The following RIC1 variants were observed in gnomAD, a reference collection of about 807,000 sequenced individuals.
RIC1 encodes guanine nucleotide exchange factor subunit RIC1.
Under a neutral mutation model 169.0 loss-of-function variants are expected in RIC1, and 88 were observed. The ratio of observed to expected loss-of-function variants is 0.52; its 90% confidence interval spans 0.44 to 0.62. The LOEUF (loss-of-function observed/expected upper bound fraction) is 0.62. RIC1 is among the 20% of genes least tolerant of loss of function. The probability of loss-of-function intolerance (pLI) is 0.00; values close to 1 mark genes in which losing one functional copy is unlikely to be tolerated. For missense variants in RIC1, 1,877 were observed against 1,725.5 expected (o/e 1.09, Z -1.56); for synonymous variants, 790 against 601.5 (o/e 1.31, Z -4.59).
At chr9:5,778,250 A>T (rs532328078), downstream of RIC1, among the ~76,000 whole-genome samples, 1 of 152,236 alleles carries the variant, frequency 6.6e-6, no homozygotes, top group African/African-American at 2.4e-5. Flanking sequence ...TTGCTTCTGT[A>T]TATTGACATT....
chr9:5,656,742 C>A, intron 2 of RIC1, 52 bp downstream of exon 2: 2 of 1,025,146 alleles, frequency 2.0e-6, no homozygotes, highest in South Asian at 1.4e-5. Context: ...CATTACATCG[C>A]ATTTAAATTT....
chr9:5,705,726 T>A (rs976562341), intron 3 of RIC1, among the ~76,000 whole-genome samples: 2 of 152,218 alleles, frequency 1.3e-5, no homozygotes, highest in Non-Finnish European at 2.9e-5. Context: ...GCGGGAAAAC[T>A]TTCAGTCAGT....
intron 3 of RIC1, among the ~76,000 whole-genome samples, chr9:5,691,537 G>A (rs1351346077): frequency 6.6e-6 from 1 of 151,754 alleles, no homozygotes; most frequent in Non-Finnish European, 1.5e-5. Context: ...AAAAATTTTT[G>A]ACACATAAAT....
intron 1 of RIC1, among the ~76,000 whole-genome samples, chr9:5,636,707 T>G (rs1817988870): frequency 6.6e-6 from 1 of 152,232 alleles, no homozygotes; most frequent in South Asian, 2.1e-4. Flanking sequence ...TCTTGCAACT[T>G]TACTAAATTC....
intron 7 of RIC1, among the ~76,000 whole-genome samples, chr9:5,733,368 A>G (rs1824491123): frequency 1.3e-5 from 2 of 149,354 alleles, no homozygotes; most frequent in African/African-American, 2.5e-5. Context: ...GGTTCACGCC[A>G]TTCTCCTGCC....
intron 6 of RIC1, among the ~76,000 whole-genome samples, chr9:5,731,688 C>G (rs767924131): frequency 3.9e-5 from 6 of 152,090 alleles, no homozygotes; most frequent in Non-Finnish European, 7.4e-5. Flanking sequence ...AGCATATATG[C>G]TTACTAATAA....
In RIC1 at chr9:5,756,538, T is replaced by TAA. The variant is rs570498759; in HGVS notation, c.1853+175_1853+176dup. On this transcript the variant is annotated intron_variant, in intron 16 of 25. Transcript: ENST00000414202. Reference sequence around the variant, plus strand: ...TAATTAGTGATATTGATATAATAGCTAAAAAAAAAAGAAATATCGTACACT... The same window carrying TAA: ...TAATTAGTGATATTGATATAATAGCTAAAAAAAAAAAAGAAATATCGTACACT... Among the ~76,000 whole-genome samples the TAA allele has an allele frequency of 9.3e-3, 1,380 of 148,038 alleles. 30 individuals carry two copies. The highest frequency in any genetic ancestry group is 0.032 in the African/African-American group (1,308 of 40,496).
Position 5,742,918 on chromosome 9 carries a change from CA to C in RIC1, c.953del (p.Asn318IlefsTer4). 6.2e-7 allele frequency: 1 copy of C among 1,612,926 alleles called. No homozygotes were observed. Among genetic ancestry groups the C allele is most frequent in the Non-Finnish European group, 8.5e-7 (1 of 1,179,304 alleles). ...TTAAATTGATGAGATGGTCTCCTGACAATAGTGTTGTAATAGTGACCTGGGA... is the reference window on the plus strand; with the variant it reads ...TTAAATTGATGAGATGGTCTCCTGACATAGTGTTGTAATAGTGACCTGGGA... Reference protein sequence around the residue: ...AVKLMRWSPDNSVVIVTWEYG... With the variant: ...AVKLMRWSPDXSVVIVTWEYG... On this transcript the variant is annotated frameshift_variant, in exon 9 of 26. Coordinates refer to ENST00000414202, the MANE Select transcript of RIC1 (RefSeq NM_020829.4). LOFTEE classifies it high-confidence loss of function.
Position 5,629,429 on chromosome 9 carries a change from C to A in RIC1, c.120C>A (p.Ala40=), listed in dbSNP as rs567999533. The A allele has an allele frequency of 2.6e-6, 4 of 1,533,812 alleles. No homozygotes were observed. In the African/African-American group the frequency reaches 5.5e-5, roughly 21 times the overall value. ...QRAFFAVLAA[A]RLSIWYSRPS... is the part of the protein sequence containing the mutation. Reference sequence around the variant, plus strand: ...CTTTCTTCGCCGTGCTGGCCGCGGCCCGCCTCAGCATCTGGTACAGCCGAG... The same window carrying A: ...CTTTCTTCGCCGTGCTGGCCGCGGCACGCCTCAGCATCTGGTACAGCCGAG... Residue 40 remains alanine (A), a synonymous_variant, in exon 1 of 26, where the codon GCC becomes GCA. Coordinates refer to ENST00000414202, the MANE Select transcript of RIC1 (RefSeq NM_020829.4).
In RIC1 at chr9:5,765,246, G is replaced by C. The variant is rs1384690276; in HGVS notation, c.2842-168G>C. ...ATTATAGTTTACATACACCAGAAGA[G>C]TACTTGCCTCGCTTTTCCTTGTATG... On this transcript the variant is annotated intron_variant, in intron 19 of 25. Transcript: ENST00000414202. 7 of 646,598 alleles carry C rather than the reference G, an allele frequency of 1.1e-5. No homozygotes were observed. The Admixed American group carries it at 1.5e-4, about 14-fold the overall frequency. 40.1% of individuals were successfully genotyped at this position (646,598 alleles called of 1,614,324 possible).
chr9:5,752,313 T>C (rs1381929775), intron 12 of RIC1, among the ~76,000 whole-genome samples: 2 of 152,154 alleles, frequency 1.3e-5, no homozygotes, highest in Non-Finnish European at 2.9e-5. Flanking sequence ...ATAGCTTACA[T>C]ACACTCTTTC....
chr9:5,728,705 G>C (rs985796582), intron 6 of RIC1, among the ~76,000 whole-genome samples: 3 of 152,072 alleles, frequency 2.0e-5, no homozygotes, highest in Admixed American at 6.5e-5. Flanking sequence ...ATTTCTCTGG[G>C]AGCCTTCTGG....
chr9:5,631,185 G>A (rs1044629449), intron 1 of RIC1, among the ~76,000 whole-genome samples: 2 of 152,092 alleles, frequency 1.3e-5, no homozygotes, highest in African/African-American at 2.4e-5. Context: ...AGTTACATAC[G>A]ACATCTAGAA....
intron 2 of RIC1, among the ~76,000 whole-genome samples, chr9:5,688,090 G>T (rs1202417693): frequency 1.3e-5 from 2 of 152,188 alleles, no homozygotes; most frequent in Non-Finnish European, 1.5e-5. Context: ...GGAACATACA[G>T]AATATAGTTC....
chr9:5,669,342 T>G (rs1819960187), intron 2 of RIC1, among the ~76,000 whole-genome samples: 1 of 152,220 alleles, frequency 6.6e-6, no homozygotes, highest in Admixed American at 6.5e-5. Flanking sequence ...GTCTTTGTGT[T>G]CTCACAGCTT....
intron 2 of RIC1, among the ~76,000 whole-genome samples, chr9:5,689,203 C>T (rs578238254): frequency 1.3e-4 from 19 of 151,982 alleles, no homozygotes; most frequent in African/African-American, 4.3e-4. Context: ...CGCCTGCCAC[C>T]ACGCCCGGCT....
At chr9:5,771,645 A>G (rs1827230859) in intron 23 of RIC1, among the ~76,000 whole-genome samples, 1 of 152,180 alleles carries the variant, frequency 6.6e-6, no homozygotes, top group African/African-American at 2.4e-5. Context: ...GCAGTGGACA[A>G]GGGTTCTATT....
At chr9:5,672,765 A>C (rs1820187080) in intron 2 of RIC1, among the ~76,000 whole-genome samples, 1 of 152,156 alleles carries the variant, frequency 6.6e-6, no homozygotes, top group Non-Finnish European at 1.5e-5. Context: ...TTAATGAAAA[A>C]ACGTACATAT....
chr9:5,676,967 C>G (rs377114244), intron 2 of RIC1, among the ~76,000 whole-genome samples: 1 of 151,578 alleles, frequency 6.6e-6, no homozygotes, highest in Admixed American at 6.6e-5. Flanking sequence ...GGGGCTGTAA[C>G]AAACAAAACT....
Sources: gnomAD v4.1 joint callset for allele counts (sites outside exome capture counted in the v4.1 genomes callset) on GRCh38, gnomAD v4.1.1 for gene constraint, MANE v1.5 for transcripts, NCBI Gene and HGNC (gene_info 2026-07-23, HGNC 2026-07-21) for gene names.